Variants in HMX1 observed in about 807,000 individuals in gnomAD.
HMX1 encodes the protein homeobox protein HMX1.
A neutral mutation model predicts 8.9 loss-of-function variants in HMX1; 8 were observed. The ratio of observed to expected loss-of-function variants is 0.90; its 90% confidence interval spans 0.53 to 1.63. HMX1 has a LOEUF of 1.63. Ranked by LOEUF, HMX1 falls within the 40% of genes most tolerant of loss-of-function variation. The pLI is 0.00. For synonymous variants in HMX1, 311 were observed against 283.4 expected (o/e 1.10, Z -0.98); for missense variants, 621 against 558.5 (o/e 1.11, Z -1.13).
In HMX1 at chr4:8,871,499, T is replaced by A. The variant is rs1245157057; in HGVS notation, c.116A>T (p.Asp39Val). ...CTCCTCCTCGTCCTCCCGGCTGCCGTCGCCCTGGGTCGCGCGCCCTGCGCC... is the reference window on the plus strand; with the variant it reads ...CTCCTCCTCGTCCTCCCGGCTGCCGACGCCCTGGGTCGCGCGCCCTGCGCC... ...AKGAGRATQG[D>V]GSREDEEEDD... is the part of the protein sequence containing the mutation. Residue 39 changes from aspartate (D) to valine (V), a missense_variant, in exon 1 of 2, where the codon GAC becomes GTC. Coordinates refer to ENST00000400677, the MANE Select transcript of HMX1 (RefSeq NM_018942.3). This position sits in a 1 kb window ranked among gnomAD's most constrained non-coding sequence, Gnocchi z 4.8. 1.5e-6 allele frequency: 2 copies of A among 1,328,570 alleles called. No homozygotes were observed. The highest frequency in any genetic ancestry group is 9.6e-7 in the Non-Finnish European group (1 of 1,037,388). 82.3% of individuals were successfully genotyped at this position (1,328,570 alleles called of 1,614,324 possible).
In HMX1 at chr4:8,867,754, G is replaced by A. The variant is rs1486530802; in HGVS notation, c.986C>T (p.Ala329Val). Residue 329 changes from alanine to valine, a missense_variant, in exon 2 of 2, where the codon GCC (alanine) becomes GTC (valine). Transcript: ENST00000400677. ...GFSGALAYPL[A>V]AFPAAASVPF... ...CACGGAGGCGGCGGCCGGGAAGGCG[G>A]CCAGCGGGTAGGCGAGGGCCCCGGA... is the stretch of plus-strand genomic sequence containing the variant. 3.1e-6 allele frequency: 4 copies of A among 1,287,252 alleles called. No homozygotes were observed. The highest frequency in any genetic ancestry group is 2.9e-6 in the Non-Finnish European group (3 of 1,020,804). The allele number at this position is 1,287,252 out of a possible 1,614,324, so 79.7% of individuals were successfully genotyped here.
chr4:8,868,178 C>A lies in HMX1; in HGVS notation c.562G>T (p.Ala188Ser), dbSNP rs1421488990. ...ACGCCGCCGCGTGTCTCCCCAGCCG[C>A]CGCAGGGACCTCGGCCAGCTCCGAC... ...EASELAEVPAAAGETRGGVGV... is the reference protein window; with the variant it reads ...EASELAEVPASAGETRGGVGV... The change falls in exon 2 of 2, where the codon GCG (alanine) becomes TCG (serine). Residue 188 changes from alanine (A) to serine (S), a missense_variant. Coordinates refer to ENST00000400677, the MANE Select transcript of HMX1 (RefSeq NM_018942.3). The surrounding 1 kb of genome is among the most constrained non-coding windows in gnomAD (Gnocchi z 4.6). The A allele has an allele frequency of 6.7e-7, 1 of 1,497,168 alleles. No individual in the cohort carries two copies. Among genetic ancestry groups the A allele is most frequent in the Non-Finnish European group, 8.9e-7 (1 of 1,129,122 alleles). 92.7% of individuals were successfully genotyped at this position (1,497,168 alleles called of 1,614,324 possible). A position where few individuals can be genotyped will look rare whatever the true frequency, so the allele number is the denominator to read the frequency against.
chr4:8,856,121 C>G (rs971293725), intron 1 of HMX1, among the ~76,000 whole-genome samples: 6 of 152,188 alleles, frequency 3.9e-5, no homozygotes, highest in African/African-American at 1.4e-4. Flanking sequence ...AGCGCTGGAC[C>G]GTCTCAGCTC....
rs998904441 is a variant in HMX1 at position 8,849,517 on chromosome 4, G to A, written c.395-3193C>T. 2.6e-5 allele frequency among the ~76,000 whole-genome samples: 4 copies of A among 152,104 alleles called. No individual in the cohort carries two copies. Among genetic ancestry groups the A allele is most frequent in the Non-Finnish European group, 4.4e-5 (3 of 68,026 alleles). On this transcript the variant is annotated intron_variant, in intron 1 of 1. Coordinates refer to the HMX1 transcript ENST00000506970. The surrounding 1 kb of genome is among the most constrained non-coding windows in gnomAD (Gnocchi z 6.6). The stretch of plus-strand genomic sequence containing the variant: ...TCTGGAGGGGCACAGCCCGACCGAC[G>A]CCTGGGGCTCAGACTTGTGGTCCCC...
downstream of HMX1, chr4:8,867,041 G>C: frequency 1.0e-6 from 1 of 981,940 alleles, no homozygotes. Context: ...ACAAAGCAGT[G>C]AAACTGTCCA....
chr4:8,863,272 C>G (rs1010031791), downstream of HMX1, among the ~76,000 whole-genome samples: 1 of 152,222 alleles, frequency 6.6e-6, no homozygotes, highest in Admixed American at 6.5e-5. Flanking sequence ...CCTCTCAGAA[C>G]CCCGGTTTCC....
intron 1 of HMX1, among the ~76,000 whole-genome samples, chr4:8,857,687 G>A (rs1438108502): frequency 1.3e-5 from 2 of 152,228 alleles, no homozygotes; most frequent in Non-Finnish European, 2.9e-5. Context: ...CTGGGTCTGA[G>A]TCTGGGGGTT....
intron 1 of HMX1, among the ~76,000 whole-genome samples, chr4:8,855,305 C>T (rs891664456): frequency 2.6e-5 from 4 of 152,246 alleles, no homozygotes; most frequent in Non-Finnish European, 5.9e-5. Context: ...CTCATTCACC[C>T]GTTTATCAGT....
Position 8,870,906 on chromosome 4 carries a change from T to TAG in HMX1, c.394+314_394+315insCT, listed in dbSNP as rs747447809. ...TCTCCTGTATCTTTCCCTATCCTCT[T>TAG]TCACTCTCCTTTCTTTTTTCTTTGG... On this transcript the variant is annotated intron_variant, in intron 1 of 1. Transcript: ENST00000400677. This position sits in a 1 kb window ranked among gnomAD's most constrained non-coding sequence, Gnocchi z 4.4. 1.1e-3 allele frequency among the ~76,000 whole-genome samples: 170 copies of TAG among 150,768 alleles called. 1 individual carries two copies. Among genetic ancestry groups the TAG allele is most frequent in the Non-Finnish European group, 1.8e-3 (122 of 67,678 alleles).
chr4:8,859,878 C>T (rs2109462833), intron 1 of HMX1, among the ~76,000 whole-genome samples: 1 of 152,340 alleles, frequency 6.6e-6, no homozygotes, highest in South Asian at 2.1e-4. Context: ...CCAGAGCAGG[C>T]GCGGGCAGTG....
rs1193078557 is a variant in HMX1, at chr4:8,871,748, C to A, written c.-134G>T. 4 of 1,002,096 alleles carry A rather than the reference C, an allele frequency of 4.0e-6. No homozygotes were observed. The allele number at this position is 1,002,096 out of a possible 1,614,324, so 62.1% of individuals were successfully genotyped here. On this transcript the variant is annotated 5_prime_UTR_variant, in exon 1 of 2. Transcript: ENST00000400677. This position sits in a 1 kb window ranked among gnomAD's most constrained non-coding sequence, Gnocchi z 4.8. ...ACCGCTGGCGTCGGGCCCCGCAGGG[C>A]AGGCGGCGGCCTCCGCGCCGGGCTG...
chr4:8,861,189 G>A (rs1182014147), intron 1 of HMX1, among the ~76,000 whole-genome samples: 1 of 152,182 alleles, frequency 6.6e-6, no homozygotes, highest in Non-Finnish European at 1.5e-5. Flanking sequence ...TCCTCTACCT[G>A]CTGGGAAGCG....
chr4:8,871,163 GCGCAGGGAGGAAGTCGGGCCCCAC>G lies in HMX1; in HGVS notation c.394+34_394+57del, dbSNP rs1722200648. ...ACGAGCCCGAAGTCCCCCAGCAAAT[GCGCAGGGAGGAAGTCGGGCCCCAC>G]CGCCTGACCCACCCTCCCCGCGCCC... On this transcript the variant is annotated intron_variant, in intron 1 of 1. Coordinates refer to ENST00000400677, the MANE Select transcript of HMX1 (RefSeq NM_018942.3). This position sits in a 1 kb window ranked among gnomAD's most constrained non-coding sequence, Gnocchi z 4.8. 7.6e-7 allele frequency: 1 copy of G among 1,320,794 alleles called. No individual in the cohort carries two copies. The highest frequency in any genetic ancestry group is 9.7e-7 in the Non-Finnish European group (1 of 1,031,006). 81.8% of individuals were successfully genotyped at this position (1,320,794 alleles called of 1,614,324 possible). A position where few individuals can be genotyped will look rare whatever the true frequency, so the allele number is the denominator to read the frequency against.
chr4:8,865,108 A>C (rs767660111), downstream of HMX1, among the ~76,000 whole-genome samples: 68 of 152,048 alleles, frequency 4.5e-4, no homozygotes, highest in Non-Finnish European at 8.7e-4. Context: ...TGACTCCTGG[A>C]GTGGTTAAGG....
At position 8,868,392 on chromosome 4, in the gene HMX1, C is replaced by G; in HGVS notation, c.395-47G>C. 1 of 1,309,168 alleles carries G rather than the reference C, an allele frequency of 7.6e-7. No individual in the cohort carries two copies. The highest frequency in any genetic ancestry group is 2.0e-5 in the South Asian group (1 of 50,800). 81.1% of individuals were successfully genotyped at this position (1,309,168 alleles called of 1,614,324 possible). On this transcript the variant is annotated intron_variant, in intron 1 of 1. Coordinates refer to ENST00000400677, the MANE Select transcript of HMX1 (RefSeq NM_018942.3). This position sits in a 1 kb window ranked among gnomAD's most constrained non-coding sequence, Gnocchi z 4.6. ...ACCGTTGGTTCTAGGGCACTGATTA[C>G]CAGACTCAATCACTGAGGCCAGCCG...
At chr4:8,856,461 C>G (rs922194491) in intron 1 of HMX1, among the ~76,000 whole-genome samples, 2 of 151,814 alleles carry the variant, frequency 1.3e-5, no homozygotes, top group African/African-American at 4.8e-5. Flanking sequence ...CAAATGAAGA[C>G]TAGGAGGAGG....
chr4:8,846,276 A>G (rs921492207), exon 2 of HMX1: 1 of 1,535,274 alleles, frequency 6.5e-7, no homozygotes, highest in Non-Finnish European at 8.7e-7. Flanking sequence ...AGCTCTGGTC[A>G]CCTGCCCCTC....
In HMX1 at chr4:8,868,430, G is replaced by T. The variant is rs534885820; in HGVS notation, c.395-85C>A. 14 of 1,076,462 alleles carry T rather than the reference G, an allele frequency of 1.3e-5. No individual in the cohort carries two copies. In the South Asian group the frequency reaches 3.4e-4, roughly 26 times the overall value. The allele number at this position is 1,076,462 out of a possible 1,614,324, so 66.7% of individuals were successfully genotyped here. A position where few individuals can be genotyped will look rare whatever the true frequency, so the allele number is the denominator to read the frequency against. On this transcript the variant is annotated intron_variant, in intron 1 of 1. Coordinates refer to ENST00000400677, the MANE Select transcript of HMX1 (RefSeq NM_018942.3). This position sits in a 1 kb window ranked among gnomAD's most constrained non-coding sequence, Gnocchi z 4.6. ...CTGAGGCCAGCCGTCCCCACCTTGA[G>T]GTCGCTCACAGCCACAAGCAGGAAG... is the stretch of plus-strand genomic sequence containing the variant.
Position 8,849,096 on chromosome 4 carries a change from C to T in HMX1, c.395-2772G>A, listed in dbSNP as rs1035642478. ...CCATCGTGGACGTCTTCTCTCAGAGCCTCGATTTTCCCATCTGTGAAACGG... is the reference window on the plus strand; with the variant it reads ...CCATCGTGGACGTCTTCTCTCAGAGTCTCGATTTTCCCATCTGTGAAACGG... On this transcript the variant is annotated intron_variant, in intron 1 of 1. Coordinates refer to the HMX1 transcript ENST00000506970. This position sits in a 1 kb window ranked among gnomAD's most constrained non-coding sequence, Gnocchi z 6.6. 6.6e-6 allele frequency among the ~76,000 whole-genome samples: 1 copy of T among 152,042 alleles called. No homozygotes were observed. Among genetic ancestry groups the T allele is most frequent in the Admixed American group, 6.5e-5 (1 of 15,274 alleles).
Sources: allele counts gnomAD v4.1 joint callset (sites outside exome capture counted in the v4.1 genomes callset), GRCh38; gene constraint gnomAD v4.1.1; non-coding constraint Gnocchi (gnomAD v3.1); transcripts MANE v1.5; gene names NCBI Gene and HGNC (gene_info 2026-07-23, HGNC 2026-07-21).